RORA: variants seen among roughly 807,000 people sequenced by gnomAD.
RORA encodes the protein RAR related orphan receptor A.
Under a neutral mutation model 69.5 loss-of-function variants are expected in RORA, and 7 were observed. The observed-to-expected ratio is 0.10, with a 90% confidence interval of 0.06 to 0.19. RORA has a LOEUF of 0.19. Among genes scored for constraint, RORA ranks in the 10% least tolerant of loss-of-function variants. The pLI, the probability that RORA is intolerant of heterozygous loss-of-function variation, is 1.00. For synonymous variants in RORA, 261 were observed against 240.8 expected, an observed-to-expected ratio of 1.08 and a Z score of -0.78; for missense variants, 457 against 663.0, an observed-to-expected ratio of 0.69 and a Z score of 3.41.
chr15:60,791,040 T>C (rs2072409576), intron 1 of RORA, among the ~76,000 whole-genome samples: 1 of 150,386 alleles, frequency 6.6e-6, no homozygotes. Context: ...TGTTTGGTGG[T>C]GTTTATTGGG....
intron 1 of RORA, among the ~76,000 whole-genome samples, chr15:60,876,590 A>G (rs537155262): frequency 3.9e-5 from 6 of 152,192 alleles, no homozygotes; most frequent in African/African-American, 1.4e-4. Flanking sequence ...TCTGCCTGTG[A>G]CACCATGGAG....
chr15:60,717,200 G>A (rs758045234), intron 1 of RORA, among the ~76,000 whole-genome samples: 18 of 152,190 alleles, frequency 1.2e-4, no homozygotes, highest in Admixed American at 4.6e-4. Flanking sequence ...AAACTCCCAC[G>A]CATGTGGTCA....
At chr15:60,658,508 C>T (rs2070256584) in intron 2 of RORA, among the ~76,000 whole-genome samples, 1 of 152,232 alleles carries the variant, frequency 6.6e-6, no homozygotes, top group Admixed American at 6.5e-5. Flanking sequence ...GAGGACCAGA[C>T]TTCATGGTTG....
chr15:60,993,560 T>C (rs1464438820), intron 1 of RORA, among the ~76,000 whole-genome samples: 2 of 148,098 alleles, frequency 1.4e-5, no homozygotes, highest in Admixed American at 6.9e-5. Context: ...GGAGAATTGC[T>C]TGAACCCAGG....
At chr15:60,758,474 C>T (rs1203149417) in intron 1 of RORA, among the ~76,000 whole-genome samples, 2 of 152,144 alleles carry the variant, frequency 1.3e-5, no homozygotes, top group Admixed American at 6.6e-5. Flanking sequence ...TTTATTTACA[C>T]CTAGGATGTC....
chr15:60,696,442 G>A (rs1418362183), intron 1 of RORA, among the ~76,000 whole-genome samples: 1 of 152,042 alleles, frequency 6.6e-6, no homozygotes, highest in Admixed American at 6.5e-5. Context: ...TGCTGGCTTG[G>A]ATTATATAAC....
intron 1 of RORA, among the ~76,000 whole-genome samples, chr15:61,179,894 T>C (rs2079665779): frequency 6.6e-6 from 1 of 151,748 alleles, no homozygotes; most frequent in Non-Finnish European, 1.5e-5. Flanking sequence ...CCCAGCACTT[T>C]GGGAGGCCGA....
chr15:60,830,428 G>A (rs2073026766), intron 1 of RORA, among the ~76,000 whole-genome samples: 1 of 152,128 alleles, frequency 6.6e-6, no homozygotes, highest in Non-Finnish European at 1.5e-5. Context: ...TATATCGTGA[G>A]CATTTTACCA....
chr15:60,665,082 G>C (rs2070361149), intron 2 of RORA, among the ~76,000 whole-genome samples: 1 of 152,222 alleles, frequency 6.6e-6, no homozygotes, highest in Admixed American at 6.5e-5. Flanking sequence ...AACATAGCAA[G>C]TCACGTGTTC....
At chr15:61,028,906 C>T (rs1437053693) in intron 1 of RORA, among the ~76,000 whole-genome samples, 6 of 151,986 alleles carry the variant, frequency 3.9e-5, no homozygotes, top group Non-Finnish European at 7.4e-5. Context: ...CATAAATTGT[C>T]CAGAACAGGA....
At chr15:60,662,927 G>A (rs2070325481) in intron 2 of RORA, among the ~76,000 whole-genome samples, 1 of 152,274 alleles carries the variant, frequency 6.6e-6, no homozygotes, top group African/African-American at 2.4e-5. Flanking sequence ...ATTGCTTCCT[G>A]AGATTTGTCC....
chr15:60,995,748 G>A (rs7174288), intron 1 of RORA, among the ~76,000 whole-genome samples: 65,198 of 152,080 alleles, frequency 0.43, 15,553 homozygotes, highest in African/African-American at 0.64. Context: ...TTCTTTGTAA[G>A]TGTTCACTAA....
rs1271432067 is a variant in RORA, at chr15:60,537,628, G to C, written c.197-5777C>G. Among the ~76,000 whole-genome samples the C allele has an allele frequency of 1.3e-5, 2 of 152,220 alleles. No homozygotes were observed. Among genetic ancestry groups the C allele is most frequent in the African/African-American group, 4.8e-5 (2 of 41,456 alleles). ...GAATAGAGTATGGGTATGTTCCATA[G>C]CACAGGCATGTTCAATGGCCATCAG... On this transcript the variant is annotated intron_variant, in intron 2 of 10. Transcript: ENST00000335670. This position sits in a 1 kb window ranked among gnomAD's most constrained non-coding sequence, Gnocchi z 4.9.
intron 2 of RORA, among the ~76,000 whole-genome samples, chr15:60,626,315 C>A (rs2069579028): frequency 6.6e-6 from 1 of 152,134 alleles, no homozygotes; most frequent in African/African-American, 2.4e-5. Flanking sequence ...CTCCACTGGG[C>A]TGTGTCAAAC....
intron 1 of RORA, among the ~76,000 whole-genome samples, chr15:60,697,787 G>A (rs889769396): frequency 3.3e-5 from 5 of 152,092 alleles, no homozygotes; most frequent in Non-Finnish European, 7.4e-5. Flanking sequence ...TCAAAATCCA[G>A]TGCTTTATAA....
rs188057668 is a variant in RORA at position 61,131,597 on chromosome 15, T to C, written c.166+97456A>G. On this transcript the variant is annotated intron_variant, in intron 1 of 10. Coordinates refer to ENST00000335670, the MANE Select transcript of RORA (RefSeq NM_134261.3). This position sits in a 1 kb window ranked among gnomAD's most constrained non-coding sequence, Gnocchi z 4.2. Reference sequence around the variant, plus strand: ...CATGCTATAGAAGTAATAATGTTATTAATAGAACATGTGCTACACTACTGA... The same window carrying C: ...CATGCTATAGAAGTAATAATGTTATCAATAGAACATGTGCTACACTACTGA... 1.3e-5 allele frequency among the ~76,000 whole-genome samples: 2 copies of C among 152,328 alleles called. No individual in the cohort carries two copies. The highest frequency in any genetic ancestry group is 1.3e-4 in the Admixed American group (2 of 15,300).
chr15:61,078,572 C>G (rs1196340353), intron 1 of RORA, among the ~76,000 whole-genome samples: 2 of 152,258 alleles, frequency 1.3e-5, no homozygotes, highest in East Asian at 3.9e-4. Flanking sequence ...CTATTATGAT[C>G]CTTTCACAGA....
chr15:61,121,266 C>T (rs989230191), intron 1 of RORA, among the ~76,000 whole-genome samples: 1 of 152,176 alleles, frequency 6.6e-6, no homozygotes, highest in African/African-American at 2.4e-5. Flanking sequence ...TGCTCAACGG[C>T]ACAGAGCTAG....
chr15:60,780,057 T>C (rs1042102003), intron 1 of RORA, among the ~76,000 whole-genome samples: 3 of 152,130 alleles, frequency 2.0e-5, no homozygotes, highest in African/African-American at 7.2e-5. Flanking sequence ...ATGTGACATG[T>C]GTCTGTTAGG....
Sources: allele counts gnomAD v4.1 joint callset (sites outside exome capture counted in the v4.1 genomes callset), GRCh38; gene constraint gnomAD v4.1.1; non-coding constraint Gnocchi (gnomAD v3.1); transcripts MANE v1.5; gene names NCBI Gene and HGNC (gene_info 2026-07-23, HGNC 2026-07-21).